The following PTPRG variants were observed in gnomAD, a reference collection of about 807,000 sequenced individuals.
PTPRG encodes receptor-type tyrosine-protein phosphatase gamma.
In PTPRG, 102 loss-of-function variants were observed where a neutral mutation model predicts 165.3. The observed-to-expected ratio is 0.62, with a 90% CI of 0.53 to 0.73. PTPRG has a LOEUF of 0.73. Ranked by LOEUF, PTPRG falls within the 30% of genes least tolerant of loss-of-function variation. The pLI is 0.00. For synonymous variants in PTPRG, 675 were observed against 669.5 expected (o/e 1.01, Z -0.13); for missense variants, 1,866 against 1,861.4 (o/e 1.00, Z -0.05).
chr3:61,734,024 C>T (rs111480257), intron 1 of PTPRG, among the ~76,000 whole-genome samples: 24 of 152,236 alleles, frequency 1.6e-4, no homozygotes, highest in African/African-American at 4.8e-4. Flanking sequence ...TCAAGTGATC[C>T]GCCTGCCTCG....
intron 1 of PTPRG, among the ~76,000 whole-genome samples, chr3:61,581,843 T>C (rs1700303276): frequency 6.6e-6 from 1 of 151,950 alleles, no homozygotes; most frequent in Non-Finnish European, 1.5e-5. Context: ...CTCCTGACCT[T>C]AAGTGATCTG....
At chr3:62,230,656 T>A (rs1700880872) in intron 13 of PTPRG, among the ~76,000 whole-genome samples, 1 of 152,254 alleles carries the variant, frequency 6.6e-6, no homozygotes, top group African/African-American at 2.4e-5. Context: ...ACTTGCCAAC[T>A]GCTGTTCCCA....
At position 62,273,347 on chromosome 3, in the gene PTPRG, G is replaced by A. The variant is rs1291476160; in HGVS notation, c.3318+266G>A. 1.3e-5 allele frequency among the ~76,000 whole-genome samples: 2 copies of A among 152,182 alleles called. No homozygotes were observed. The highest frequency in any genetic ancestry group is 2.4e-5 in the African/African-American group (1 of 41,444). On this transcript the variant is annotated intron_variant, in intron 22 of 29. Transcript: ENST00000474889. The surrounding 1 kb of genome is among the most constrained non-coding windows in gnomAD (Gnocchi z 4.1). The stretch of plus-strand genomic sequence containing the variant: ...TTCAAGAGCTGTGTTAGATGGTAGG[G>A]GGAGTTAAACATGTTGTCTGGCCTG...
chr3:61,636,575 G>T (rs1032635037), intron 1 of PTPRG, among the ~76,000 whole-genome samples: 1 of 152,198 alleles, frequency 6.6e-6, no homozygotes, highest in Non-Finnish European at 1.5e-5. Context: ...GCCTGCCTTG[G>T]CTTCCCAAAG....
In PTPRG at chr3:61,660,787, G is replaced by A. The variant is rs114611072; in HGVS notation, c.86-88091G>A. ...GAGACTAAGGTGGGCTGATACCTGAGGTCGGGAGTTCGAGACCAGCCTGGC... is the reference window on the plus strand; with the variant it reads ...GAGACTAAGGTGGGCTGATACCTGAAGTCGGGAGTTCGAGACCAGCCTGGC... On this transcript the variant is annotated intron_variant, in intron 1 of 29. Coordinates refer to ENST00000474889, the MANE Select transcript of PTPRG (RefSeq NM_002841.4). Among the ~76,000 whole-genome samples the A allele has an allele frequency of 4.0e-3, 604 of 152,214 alleles. 8 individuals carry two copies. The highest frequency in any genetic ancestry group is 0.014 in the African/African-American group (570 of 41,526).
In PTPRG at chr3:61,562,258, C is replaced by T. The variant is rs369741118; in HGVS notation, c.-30C>T. 1.4e-5 allele frequency: 23 copies of T among 1,601,584 alleles called. No individual in the cohort carries two copies. The highest frequency in any genetic ancestry group is 2.7e-5 in the African/African-American group (2 of 74,772). On this transcript the variant is annotated 5_prime_UTR_variant, in exon 1 of 30. Transcript: ENST00000474889. ...CTTATTCAACAAGTTTACCTCCCTG[C>T]TTTCCTCTTTTCGATGTGCGTTTTC...
intron 7 of PTPRG, among the ~76,000 whole-genome samples, chr3:62,166,337 T>C (rs772799029): frequency 1.3e-5 from 2 of 151,008 alleles, no homozygotes; most frequent in Admixed American, 1.3e-4. Flanking sequence ...TTTTTAAAAA[T>C]TTTTTTATTA....
At position 61,631,726 on chromosome 3, in the gene PTPRG, A is replaced by G. The variant is rs1434254433; in HGVS notation, c.85+69354A>G. ...TAAATACTATAAAAGTGCTTATTCT[A>G]CTCAGTCATTGGGGAGAGTATTTCT... On this transcript the variant is annotated intron_variant, in intron 1 of 29. Transcript: ENST00000474889. 5.9e-5 allele frequency among the ~76,000 whole-genome samples: 9 copies of G among 152,140 alleles called. No individual in the cohort carries two copies. The East Asian group carries it at 1.7e-3, about 29-fold the overall frequency.
chr3:62,081,279 A>T (rs1402856968), intron 5 of PTPRG, among the ~76,000 whole-genome samples: 2 of 151,528 alleles, frequency 1.3e-5, no homozygotes, highest in African/African-American at 4.9e-5. Flanking sequence ...CAAACAAACA[A>T]ACAAACAAAC....
intron 4 of PTPRG, among the ~76,000 whole-genome samples, chr3:62,041,090 C>G (rs1370849720): frequency 6.6e-6 from 1 of 152,168 alleles, no homozygotes; most frequent in Non-Finnish European, 1.5e-5. Context: ...GGTAGTAATA[C>G]CTGATGCTTG....
At chr3:61,621,051 A>ATATGTGTGTGTG in intron 1 of PTPRG, among the ~76,000 whole-genome samples, 157 of 117,990 alleles carry the variant, frequency 1.3e-3, no homozygotes, top group African/African-American at 4.4e-3. Flanking sequence ...ATATATATAT[A>ATATGTGTGTGTG]TGTGTGTGTG....
intron 2 of PTPRG, among the ~76,000 whole-genome samples, chr3:61,940,648 C>G (rs1418877762): frequency 1.4e-5 from 2 of 140,186 alleles, no homozygotes; most frequent in African/African-American, 5.1e-5. Context: ...TCAGTAGATG[C>G]TTTTATTTAT....
chr3:62,167,244 GTTCA>G (rs1212619463), intron 7 of PTPRG, among the ~76,000 whole-genome samples: 2 of 152,116 alleles, frequency 1.3e-5, no homozygotes, highest in African/African-American at 4.8e-5. Context: ...AACTTGAACA[GTTCA>G]TCTCCGATTA....
chr3:61,630,058 G>A (rs1224299266), intron 1 of PTPRG, among the ~76,000 whole-genome samples: 1 of 152,236 alleles, frequency 6.6e-6, no homozygotes, highest in Non-Finnish European at 1.5e-5. Context: ...CCCTGGCCAT[G>A]GCCTTATGAC....
chr3:61,951,970 T>A (rs1029468712), intron 2 of PTPRG, among the ~76,000 whole-genome samples: 12 of 151,776 alleles, frequency 7.9e-5, no homozygotes, highest in Non-Finnish European at 1.5e-5. Context: ...ATACAAAAAT[T>A]AGCTGGGTGT....
chr3:61,580,945 TTGA>T (rs1359432630), intron 1 of PTPRG, among the ~76,000 whole-genome samples: 6 of 152,326 alleles, frequency 3.9e-5, no homozygotes, highest in East Asian at 1.9e-4. Context: ...AAGTAATGTC[TTGA>T]TGGAGAGAAA....
In PTPRG at chr3:62,267,816, A is replaced by G; in HGVS notation, c.2871A>G (p.Gly957=). 2 of 1,612,454 alleles carry G rather than the reference A, an allele frequency of 1.2e-6. No homozygotes were observed. The highest frequency in any genetic ancestry group is 2.7e-5 in the African/African-American group (2 of 74,996). The change falls in exon 19 of 30, where the codon GGA becomes GGG. Residue 957 remains glycine, a synonymous_variant. Coordinates refer to ENST00000474889, the MANE Select transcript of PTPRG (RefSeq NM_002841.4). ...TGATTACGAACCTTGTGGAAAAAGG[A>G]AGAGTAAGAGCCTTTTGACTCACTA... The part of the protein sequence containing the change: ...IVMITNLVEK[G]RRKCDQYWPT...
At position 61,694,025 on chromosome 3, in the gene PTPRG, A is replaced by G. The variant is rs865863234; in HGVS notation, c.86-54853A>G. Among the ~76,000 whole-genome samples the G allele has an allele frequency of 1.3e-3, 184 of 145,980 alleles. 1 individual carries two copies. Among genetic ancestry groups the G allele is most frequent in the African/African-American group, 3.8e-3 (149 of 39,414 alleles). ...TCCATCTCCAAAAAAAAAAAAAAAA[A>G]AGAGAGAGAGAGAGAGAGGGAAGCA... On this transcript the variant is annotated intron_variant, in intron 1 of 29. Coordinates refer to ENST00000474889, the MANE Select transcript of PTPRG (RefSeq NM_002841.4).
chr3:61,844,647 G>A (rs570746351), intron 2 of PTPRG, among the ~76,000 whole-genome samples: 5 of 147,496 alleles, frequency 3.4e-5, no homozygotes, highest in South Asian at 4.3e-4. Context: ...GGTGTACGCC[G>A]CCACATCTGG....
Sources: allele counts gnomAD v4.1 joint callset (sites outside exome capture counted in the v4.1 genomes callset), GRCh38; gene constraint gnomAD v4.1.1; non-coding constraint Gnocchi (gnomAD v3.1); transcripts MANE v1.5; gene names NCBI Gene and HGNC (gene_info 2026-07-23, HGNC 2026-07-21).